ITPKB: variants seen among roughly 807,000 people sequenced by gnomAD.
The protein encoded by ITPKB is inositol-trisphosphate 3-kinase B.
In ITPKB, 13 loss-of-function variants were observed where a neutral mutation model predicts 69.4. The ratio of observed to expected loss-of-function variants is 0.19; its 90% confidence interval spans 0.12 to 0.30. The LOEUF is 0.30. Among genes scored for constraint, ITPKB ranks in the 10% least tolerant of loss-of-function variants. The probability of loss-of-function intolerance (pLI) is 1.00; values close to 1 mark genes in which losing one functional copy is unlikely to be tolerated. For missense variants in ITPKB, 1,240 were observed against 1,250.5 expected, an observed-to-expected ratio of 0.99 and a Z score of 0.13; for synonymous variants, 584 against 513.7, an observed-to-expected ratio of 1.14 and a Z score of -1.85.
At position 226,663,077 on chromosome 1, in the gene ITPKB, A is replaced by G. The variant is rs537858901; in HGVS notation, c.1933-14306T>C. ...AAGGGACACCAGAGAACCCCCAAGT[A>G]TGAGCAAGACTCATCAGCTCTCAGG... On this transcript the variant is annotated intron_variant, in intron 2 of 7. Transcript: ENST00000429204. Among the ~76,000 whole-genome samples, 3 of 152,332 alleles carry G rather than the reference A, an allele frequency of 2.0e-5. 1 individual carries two copies. The East Asian group carries it at 5.8e-4, about 29-fold the overall frequency.
chr1:226,671,975 G>T (rs12094617), intron 2 of ITPKB, among the ~76,000 whole-genome samples: 33,778 of 152,096 alleles, frequency 0.22, 3,932 homozygotes, highest in Middle Eastern at 0.34. Flanking sequence ...AGTGAGGAGT[G>T]TCATAGTCTG....
At chr1:226,681,586 A>T (rs1422860384) in intron 2 of ITPKB, among the ~76,000 whole-genome samples, 1 of 152,218 alleles carries the variant, frequency 6.6e-6, no homozygotes, top group African/African-American at 2.4e-5. Flanking sequence ...AAAAATACCT[A>T]TATTGAGGTA....
rs146388973 is a variant in ITPKB, at chr1:226,713,994, C to A, written c.1932+21533G>T. On this transcript the variant is annotated intron_variant, in intron 2 of 7. Coordinates refer to ENST00000429204, the MANE Select transcript of ITPKB (RefSeq NM_002221.4). ...TTTTTAAAATCTTGACCGTCTATGG[C>A]AAAGGGCCCTTCTTGAAAGCCAAGC... is the stretch of plus-strand genomic sequence containing the variant. 9.6e-3 allele frequency among the ~76,000 whole-genome samples: 1,464 copies of A among 152,252 alleles called. 19 individuals are homozygous for A. Among genetic ancestry groups the A allele is most frequent in the Non-Finnish European group, 0.013 (909 of 68,022 alleles).
rs772745613 is a variant in ITPKB at position 226,737,004 on chromosome 1, G to A, written c.455C>T (p.Ala152Val). Residue 152 changes from alanine (A) to valine (V), a missense_variant, in exon 2 of 8, where the codon GCG becomes GTG. Coordinates refer to ENST00000429204, the MANE Select transcript of ITPKB (RefSeq NM_002221.4). The stretch of plus-strand genomic sequence containing the variant: ...GGCGGAGCTCTGTGCCTGGATGTGC[G>A]CCTCAAACATGCCCACTTTCTGGTT... The part of the protein sequence containing the change: ...QVNQKVGMFE[A>V]HIQAQSSAIQ... 3.7e-6 allele frequency: 6 copies of A among 1,612,772 alleles called. No homozygotes were observed. Among genetic ancestry groups the A allele is most frequent in the Non-Finnish European group, 5.1e-6 (6 of 1,179,936 alleles).
chr1:226,719,390 G>C (rs759356922), intron 2 of ITPKB, among the ~76,000 whole-genome samples: 1 of 152,152 alleles, frequency 6.6e-6, no homozygotes, highest in Non-Finnish European at 1.5e-5. Flanking sequence ...CCCTGTGGTC[G>C]GTCACTTGCC....
intron 2 of ITPKB, among the ~76,000 whole-genome samples, chr1:226,734,356 G>T (rs1657683295): frequency 6.6e-6 from 1 of 152,248 alleles, no homozygotes; most frequent in Admixed American, 6.5e-5. Flanking sequence ...TCAGAGAGGA[G>T]TATGTTTTGT....
chr1:226,725,820 T>C (rs1209752190), intron 2 of ITPKB, among the ~76,000 whole-genome samples: 1 of 152,182 alleles, frequency 6.6e-6, no homozygotes, highest in African/African-American at 2.4e-5. Context: ...GCGGCTGAAG[T>C]GAAACCGGGG....
intron 2 of ITPKB, among the ~76,000 whole-genome samples, chr1:226,715,178 C>T (rs1038902374): frequency 1.2e-4 from 19 of 152,208 alleles, no homozygotes; most frequent in African/African-American, 4.6e-4. Context: ...TACTAAACTT[C>T]GAATCCCTAG....
rs940287353 is a variant in ITPKB at position 226,665,469 on chromosome 1, C to T, written c.1933-16698G>A. Reference sequence around the variant, plus strand: ...GTAGGGAGGACTAGGTAGGAAAACACGGGACATGCTTGAAAACCTGAACAC... The same window carrying T: ...GTAGGGAGGACTAGGTAGGAAAACATGGGACATGCTTGAAAACCTGAACAC... On this transcript the variant is annotated intron_variant, in intron 2 of 7. Coordinates refer to ENST00000429204, the MANE Select transcript of ITPKB (RefSeq NM_002221.4). 3.3e-5 allele frequency among the ~76,000 whole-genome samples: 5 copies of T among 152,216 alleles called. No individual in the cohort carries two copies. The East Asian group carries it at 5.8e-4, about 18-fold the overall frequency.
chr1:226,684,076 G>GT (rs1245027337), intron 2 of ITPKB, among the ~76,000 whole-genome samples: 1 of 152,110 alleles, frequency 6.6e-6, no homozygotes, highest in Non-Finnish European at 1.5e-5. Context: ...ATGAACTTCC[G>GT]TGAGTAGAAA....
At chr1:226,721,669 G>C (rs1436728453) in intron 2 of ITPKB, among the ~76,000 whole-genome samples, 1 of 151,062 alleles carries the variant, frequency 6.6e-6, no homozygotes, top group African/African-American at 2.4e-5. Flanking sequence ...CTAATATTTT[G>C]TATTTAGTAG....
chr1:226,693,913 C>G (rs1656418154), intron 2 of ITPKB, among the ~76,000 whole-genome samples: 1 of 152,380 alleles, frequency 6.6e-6, no homozygotes, highest in Admixed American at 6.5e-5. Context: ...CACACCTTGT[C>G]TTCAAGGATA....
Position 226,737,608 on chromosome 1 carries a change from T to G in ITPKB, c.-150A>C. On this transcript the variant is annotated 5_prime_UTR_variant, in exon 2 of 8. Transcript: ENST00000429204. The stretch of plus-strand genomic sequence containing the variant: ...GGGCGGCATGGCCTGGGCAGCGGGC[T>G]GGGGGCACGACCGCGGGCTCAGCCC... 1 of 1,152,248 alleles carries G rather than the reference T, an allele frequency of 8.7e-7. No homozygotes were observed. 71.4% of individuals were successfully genotyped at this position (1,152,248 alleles called of 1,614,324 possible).
intron 7 of ITPKB, among the ~76,000 whole-genome samples, chr1:226,635,424 C>T (rs1302108846): frequency 6.6e-6 from 1 of 152,154 alleles, no homozygotes; most frequent in East Asian, 1.9e-4. Flanking sequence ...CAGGGTTTCA[C>T]TATGTTACCC....
At chr1:226,681,717 G>C (rs560240721) in intron 2 of ITPKB, among the ~76,000 whole-genome samples, 1 of 152,308 alleles carries the variant, frequency 6.6e-6, no homozygotes, top group South Asian at 2.1e-4. Context: ...ACATTTAAAT[G>C]CCTCAGCCTG....
chr1:226,735,544 G>C lies in ITPKB; in HGVS notation c.1915C>G (p.Gln639Glu). Residue 639 changes from glutamine to glutamate, a missense_variant, in exon 2 of 8, where the codon CAG (glutamine) becomes GAG (glutamate). Gln to Glu is a conservative substitution (Grantham distance 29). Coordinates refer to ENST00000429204, the MANE Select transcript of ITPKB (RefSeq NM_002221.4). ...PNSAFLHTLDQQKPRVSKSWR... is the reference protein window; with the variant it reads ...PNSAFLHTLDEQKPRVSKSWR... ...AGACTTACCACTCTAGGTTTCTGCT[G>C]GTCCAGGGTATGCAGGAAGGCTGAG... 1 of 1,529,018 alleles carries C rather than the reference G, an allele frequency of 6.5e-7. No individual in the cohort carries two copies. The highest frequency in any genetic ancestry group is 8.8e-7 in the Non-Finnish European group (1 of 1,137,078). The allele number at this position is 1,529,018 out of a possible 1,614,324, so 94.7% of individuals were successfully genotyped here. A position where few individuals can be genotyped will look rare whatever the true frequency, so the allele number is the denominator to read the frequency against.
chr1:226,723,084 A>G (rs1245641247), intron 2 of ITPKB, among the ~76,000 whole-genome samples: 3 of 152,290 alleles, frequency 2.0e-5, no homozygotes, highest in African/African-American at 7.2e-5. Context: ...TGGAACCTGT[A>G]GCCATCCAGC....
chr1:226,696,835 G>C (rs931870707), intron 2 of ITPKB, among the ~76,000 whole-genome samples: 1 of 152,178 alleles, frequency 6.6e-6, no homozygotes, highest in Non-Finnish European at 1.5e-5. Flanking sequence ...CATCCCCTGA[G>C]GCCTGAGTGT....
chr1:226,647,045 A>C, intron 4 of ITPKB, 122 bp downstream of exon 4: 1 of 792,768 alleles, frequency 1.3e-6, no homozygotes, highest in Non-Finnish European at 2.1e-6. Flanking sequence ...AATTGGTCCA[A>C]CAGCCTCCTC....
Sources: allele counts gnomAD v4.1 joint callset (sites outside exome capture counted in the v4.1 genomes callset), GRCh38; gene constraint gnomAD v4.1.1; transcripts MANE v1.5; gene names NCBI Gene and HGNC (gene_info 2026-07-23, HGNC 2026-07-21).